Variants in ZFYVE1 observed in about 807,000 individuals in gnomAD.
The protein encoded by ZFYVE1 is zinc finger FYVE domain-containing protein 1.
ZFYVE1 carries 30 observed loss-of-function variants against 74.4 expected under a neutral mutation model. That is an observed-to-expected ratio of 0.40 (90% CI 0.30 to 0.55). The LOEUF (loss-of-function observed/expected upper bound fraction) is 0.55, where lower values mean the gene tolerates loss of function less well. Among genes scored for constraint, ZFYVE1 ranks in the 20% least tolerant of loss-of-function variants. The pLI, the probability that ZFYVE1 is intolerant of heterozygous loss-of-function variation, is 0.42. For synonymous variants in ZFYVE1, 335 were observed against 385.1 expected, an observed-to-expected ratio of 0.87 and a Z score of 1.52; for missense variants, 703 against 1,011.6, an observed-to-expected ratio of 0.69 and a Z score of 4.14.
intron 11 of ZFYVE1, among the ~76,000 whole-genome samples, chr14:72,973,487 T>C (rs1355638882): frequency 6.7e-6 from 1 of 149,804 alleles, no homozygotes; most frequent in Non-Finnish European, 1.5e-5. Context: ...AGACTCCATC[T>C]CAAAAAAACA....
At position 72,974,937 on chromosome 14, in the gene ZFYVE1, G is replaced by C; in HGVS notation, c.1829C>G (p.Ser610Cys). The C allele has an allele frequency of 1.2e-6, 2 of 1,612,360 alleles. No individual in the cohort carries two copies. The highest frequency in any genetic ancestry group is 1.7e-6 in the Non-Finnish European group (2 of 1,178,546). Residue 610 changes from serine (S) to cysteine (C), a missense_variant, in exon 10 of 12, where the codon TCC (serine) becomes TGC (cysteine). Ser to Cys is a moderately radical substitution (Grantham distance 112, BLOSUM62 -1). This residue lies in a region of ZFYVE1 where 492 missense variants were observed against 790.0 expected (regional missense o/e 0.62). Transcript: ENST00000556143. ...QILSCNKCAT[S>C]FKDNDTKHHC... Reference sequence around the variant, plus strand: ...ATGCTTAGTGTCGTTATCTTTAAAGGACGTCGCACACTTGTTGCAGCTCTG... The same window carrying C: ...ATGCTTAGTGTCGTTATCTTTAAAGCACGTCGCACACTTGTTGCAGCTCTG...
intron 2 of ZFYVE1, among the ~76,000 whole-genome samples, chr14:73,005,121 T>C (rs1298836263): frequency 6.6e-6 from 1 of 152,196 alleles, no homozygotes. Flanking sequence ...CCTTTCATGT[T>C]ACTTTGCTTC....
chr14:73,021,322 TG>T (rs1399811742), intron 2 of ZFYVE1, among the ~76,000 whole-genome samples: 1 of 151,328 alleles, frequency 6.6e-6, no homozygotes, highest in East Asian at 2.0e-4. Flanking sequence ...CACTCCAGCC[TG>T]GGGGACAGAG....
intron 8 of ZFYVE1, 118 bp downstream of exon 8, chr14:72,977,809 C>A: frequency 1.8e-6 from 2 of 1,113,232 alleles, no homozygotes; most frequent in Non-Finnish European, 2.6e-6. Flanking sequence ...CTTTCTAAAC[C>A]GCCAACATTC....
chr14:72,989,764 C>T (rs1354368105), intron 4 of ZFYVE1, among the ~76,000 whole-genome samples: 2 of 151,398 alleles, frequency 1.3e-5, no homozygotes, highest in African/African-American at 4.9e-5. Flanking sequence ...CACCACTGCA[C>T]TCCAGCCTGG....
At chr14:73,026,798 C>T (rs1894471933) in intron 1 of ZFYVE1, 128 bp downstream of exon 1, 1 of 202,084 alleles carries the variant, frequency 4.9e-6, no homozygotes, top group African/African-American at 2.4e-5. Flanking sequence ...TACCACCCCA[C>T]CCCCACCCCC....
chr14:73,019,727 GTGGA>G (rs1200002657), intron 2 of ZFYVE1, among the ~76,000 whole-genome samples: 1 of 152,032 alleles, frequency 6.6e-6, no homozygotes, highest in East Asian at 1.9e-4. Flanking sequence ...GCCAAGGCAG[GTGGA>G]TCATGAGGTC....
chr14:73,019,591 C>T (rs1305112720), intron 2 of ZFYVE1, among the ~76,000 whole-genome samples: 5 of 152,148 alleles, frequency 3.3e-5, no homozygotes, highest in Admixed American at 6.5e-5. Context: ...TATGGTTCAT[C>T]GGATTCTCAC....
chr14:72,969,649 A>G lies in ZFYVE1; in HGVS notation c.*1233T>C. The G allele has an allele frequency of 1.4e-6, 1 of 697,812 alleles. No homozygotes were observed. The highest frequency in any genetic ancestry group is 2.6e-6 in the Non-Finnish European group (1 of 383,516). 43.2% of individuals were successfully genotyped at this position (697,812 alleles called of 1,614,324 possible). A position where few individuals can be genotyped will look rare whatever the true frequency, so the allele number is the denominator to read the frequency against. The stretch of plus-strand genomic sequence containing the variant: ...CTCAACCCACCCACCAGTTCAGTTA[A>G]GAATTATACTTTAATTCGTGTTTGG... On this transcript the variant is annotated 3_prime_UTR_variant, in exon 12 of 12. Coordinates refer to ENST00000556143, the MANE Select transcript of ZFYVE1 (RefSeq NM_021260.4).
At chr14:72,997,665 C>T in intron 3 of ZFYVE1, 146 bp downstream of exon 3, 3 of 1,100,516 alleles carry the variant, frequency 2.7e-6, no homozygotes, top group Non-Finnish European at 3.8e-6. Context: ...TTTGATCACT[C>T]CATCCTCCTT....
At chr14:73,014,232 T>C (rs188449855) in intron 2 of ZFYVE1, among the ~76,000 whole-genome samples, 4 of 152,270 alleles carry the variant, frequency 2.6e-5, no homozygotes, top group Admixed American at 6.5e-5. Flanking sequence ...TAAAACAAAA[T>C]AGCGTACCAA....
chr14:73,004,214 G>C (rs1893932420), intron 2 of ZFYVE1, among the ~76,000 whole-genome samples: 1 of 152,156 alleles, frequency 6.6e-6, no homozygotes, highest in Non-Finnish European at 1.5e-5. Context: ...TACCGGCACG[G>C]AGTCAGGTGA....
chr14:72,975,525 T>C lies in ZFYVE1; in HGVS notation c.1806+26A>G, dbSNP rs1893145521. On this transcript the variant is annotated intron_variant, in intron 9 of 11. Transcript: ENST00000556143. This position sits in a 1 kb window ranked among gnomAD's most constrained non-coding sequence, Gnocchi z 4.1. ...TAAGTAGGATGGGCTGTGCCAGGAG[T>C]GGAGGGGCATCCTGGCACACCATAC... 2 of 1,595,170 alleles carry C rather than the reference T, an allele frequency of 1.3e-6. No individual in the cohort carries two copies. The highest frequency in any genetic ancestry group is 1.3e-5 in the African/African-American group (1 of 74,268).
At chr14:72,991,183 A>ATTTTT (rs57153409) in intron 4 of ZFYVE1, among the ~76,000 whole-genome samples, 12 of 83,576 alleles carry the variant, frequency 1.4e-4, no homozygotes, top group Admixed American at 3.2e-4. Flanking sequence ...CCCTGATGGT[A>ATTTTT]TTTTTTTTTT....
In ZFYVE1 at chr14:72,998,196, G is replaced by C. The variant is rs1394223256; in HGVS notation, c.603C>G (p.Phe201Leu). 6.2e-7 allele frequency: 1 copy of C among 1,613,840 alleles called. No individual in the cohort carries two copies. Among genetic ancestry groups the C allele is most frequent in the Non-Finnish European group, 8.5e-7 (1 of 1,179,994 alleles). ...TTTTAAAGACTTCACGACCATAAAA[G>C]AAAGTGTGGTTGAGAGTATGAGACT... Reference protein sequence around the residue: ...DGKSHTLNHTFFYGREVFKTS... With the variant: ...DGKSHTLNHTLFYGREVFKTS... Residue 201 changes from phenylalanine to leucine, a missense_variant, in exon 3 of 12, where the codon TTC becomes TTG. Around this residue, in one of 2 missense-constraint regions of ZFYVE1, gnomAD observed 492 missense variants for 790.0 expected, o/e 0.62. Coordinates refer to ENST00000556143, the MANE Select transcript of ZFYVE1 (RefSeq NM_021260.4).
intron 2 of ZFYVE1, among the ~76,000 whole-genome samples, chr14:73,003,925 T>C (rs544504462): frequency 1.3e-5 from 2 of 152,244 alleles, no homozygotes; most frequent in East Asian, 1.9e-4. Context: ...AGGAGCTCAG[T>C]GTACAGCTGC....
intron 3 of ZFYVE1, 110 bp from the exon 4 acceptor site, chr14:72,993,467 C>G (rs1022889413): frequency 1.0e-6 from 1 of 972,640 alleles, no homozygotes; most frequent in Non-Finnish European, 1.5e-6. Flanking sequence ...CTTTGGGAGG[C>G]CAAGGTGGGT....
chr14:72,982,542 T>C (rs1196629691), intron 4 of ZFYVE1, among the ~76,000 whole-genome samples: 1 of 152,128 alleles, frequency 6.6e-6, no homozygotes. Flanking sequence ...AAATTTCAGG[T>C]TGAAATGTAG....
chr14:73,012,754 T>C (rs762533418), intron 2 of ZFYVE1, among the ~76,000 whole-genome samples: 3 of 152,190 alleles, frequency 2.0e-5, no homozygotes, highest in Non-Finnish European at 4.4e-5. Flanking sequence ...CTTTAAATCA[T>C]TTTTTCAGAG....
Sources: allele counts gnomAD v4.1 joint callset (sites outside exome capture counted in the v4.1 genomes callset), GRCh38; gene constraint gnomAD v4.1.1; regional missense constraint gnomAD v4.1.1; non-coding constraint Gnocchi (gnomAD v3.1); transcripts MANE v1.5; gene names NCBI Gene and HGNC (gene_info 2026-07-23, HGNC 2026-07-21).